The following CLEC17A variants were observed in gnomAD, a reference collection of about 807,000 sequenced individuals.
The protein encoded by CLEC17A is C-type lectin domain family 17, member A.
In CLEC17A, 37 loss-of-function variants were observed where a neutral mutation model predicts 61.3. The observed-to-expected ratio is 0.60, with a 90% CI of 0.46 to 0.79. The LOEUF (loss-of-function observed/expected upper bound fraction) is 0.79, where lower values mean the gene tolerates loss of function less well. Ranked by LOEUF, CLEC17A falls within the 30% of genes least tolerant of loss-of-function variation. The pLI, the probability that CLEC17A is intolerant of heterozygous loss-of-function variation, is 0.00. For missense variants in CLEC17A, 418 were observed against 464.7 expected, an observed-to-expected ratio of 0.90 and a Z score of 0.92; for synonymous variants, 168 against 164.9, an observed-to-expected ratio of 1.02 and a Z score of -0.14.
At chr19:14,607,425 G>C (rs375362530) in intron 13 of CLEC17A, among the ~76,000 whole-genome samples, 63 of 151,726 alleles carry the variant, frequency 4.2e-4, no homozygotes, top group Middle Eastern at 3.4e-3. Context: ...GGATGGTCTT[G>C]ATCTCCTGAC....
Position 14,599,721 on chromosome 19 carries a change from T to C in CLEC17A, c.651T>C (p.Thr217=). 6.2e-7 allele frequency: 1 copy of C among 1,613,306 alleles called. No homozygotes were observed. Reference sequence around the variant, plus strand: ...CAAGCCCATCCCTTCTGACAGTGACTGGCATGGCAGGGCTAGCTGGCCTGA... The same window carrying C: ...CAAGCCCATCCCTTCTGACAGTGACCGGCATGGCAGGGCTAGCTGGCCTGA... ...FQQMTWRTNM[T]GMAGLAGLKH... The change falls in exon 11 of 14, where the codon ACT becomes ACC. Residue 217 remains threonine (T), a synonymous_variant. Transcript: ENST00000417570.
chr19:14,594,435 A>G, intron 4 of CLEC17A, 82 bp from the exon 5 acceptor site: 4 of 1,518,944 alleles, frequency 2.6e-6, no homozygotes, highest in Non-Finnish European at 3.6e-6. Flanking sequence ...CCTCCACTGC[A>G]ATCCTAACCC....
chr19:14,598,291 G>A (rs2074600929), intron 10 of CLEC17A, among the ~76,000 whole-genome samples: 1 of 144,888 alleles, frequency 6.9e-6, no homozygotes, highest in Admixed American at 6.8e-5. Flanking sequence ...TCTTTCGTTT[G>A]TTTGTTCTTT....
At chr19:14,594,822 T>A in intron 7 of CLEC17A, 22 bp downstream of exon 7, 3 of 1,606,416 alleles carry the variant, frequency 1.9e-6, no homozygotes, top group Non-Finnish European at 2.6e-6. Context: ...GAAGACCCTT[T>A]AAGATGCCTA....
chr19:14,608,878 C>A (rs1475943084), intron 13 of CLEC17A, among the ~76,000 whole-genome samples: 2 of 151,056 alleles, frequency 1.3e-5, no homozygotes, highest in Admixed American at 6.6e-5. Flanking sequence ...TGGCTCACTG[C>A]AACTTCTGCC....
intron 2 of CLEC17A, 121 bp downstream of exon 2, chr19:14,583,555 T>G (rs982578751): frequency 6.5e-7 from 1 of 1,533,594 alleles, no homozygotes; most frequent in African/African-American, 1.4e-5. Flanking sequence ...TGCCGGGCAC[T>G]GTGGAACCCA....
intron 12 of CLEC17A, among the ~76,000 whole-genome samples, chr19:14,606,374 CAAA>C (rs35346403): frequency 1.7e-4 from 16 of 94,688 alleles, no homozygotes; most frequent in Admixed American, 5.6e-4. Context: ...GACCCTGTCT[CAAA>C]AAAAAAAAAA....
chr19:14,606,605 A>G (rs2074878578), intron 12 of CLEC17A, among the ~76,000 whole-genome samples: 1 of 150,752 alleles, frequency 6.6e-6, no homozygotes, highest in Non-Finnish European at 1.5e-5. Flanking sequence ...GCTTGAACCC[A>G]GGAGGTGGAA....
intron 12 of CLEC17A, among the ~76,000 whole-genome samples, chr19:14,605,978 G>A (rs1224169935): frequency 1.3e-5 from 2 of 152,038 alleles, no homozygotes; most frequent in Non-Finnish European, 2.9e-5. Flanking sequence ...AGTCTCAAGC[G>A]ATCCTCCCTC....
chr19:14,583,106 G>A lies in CLEC17A; in HGVS notation c.-55G>A. On this transcript the variant is annotated 5_prime_UTR_variant, in exon 1 of 14. Transcript: ENST00000417570. ...CCCAGACGCCTGAGTCGGAGAGACA[G>A]GGGGCAGAGGTTGCCAAGCCCTGGC... 10 of 1,600,938 alleles carry A rather than the reference G, an allele frequency of 6.2e-6. No individual in the cohort carries two copies. The highest frequency in any genetic ancestry group is 8.6e-6 in the Non-Finnish European group (10 of 1,168,902).
At chr19:14,594,257 A>C (rs967831419) in intron 4 of CLEC17A, among the ~76,000 whole-genome samples, 1 of 152,132 alleles carries the variant, frequency 6.6e-6, no homozygotes, top group African/African-American at 2.4e-5. Context: ...AGTCTGAGCA[A>C]CAGAGCAAGA....
chr19:14,585,778 C>G lies in CLEC17A; in HGVS notation c.122-1836C>G, dbSNP rs547924757. ...TTGACTACAATCACGCAAGAGATCT[C>G]AAGCTAGAACTACCCAGCTAAGCTG... On this transcript the variant is annotated intron_variant, in intron 2 of 13. Transcript: ENST00000417570. Among the ~76,000 whole-genome samples, 129 of 147,302 alleles carry G rather than the reference C, an allele frequency of 8.8e-4. 1 individual carries two copies. Among genetic ancestry groups the G allele is most frequent in the African/African-American group, 2.9e-3 (116 of 39,546 alleles).
At chr19:14,595,118 C>T (rs574067181) in intron 7 of CLEC17A, among the ~76,000 whole-genome samples, 156 bp from the exon 8 acceptor site, 4 of 152,318 alleles carry the variant, frequency 2.6e-5, no homozygotes, top group African/African-American at 7.2e-5. Flanking sequence ...GTGATCCACC[C>T]GCCTCAGCCT....
intron 10 of CLEC17A, among the ~76,000 whole-genome samples, chr19:14,598,674 C>T (rs552429753): frequency 5.7e-4 from 86 of 152,154 alleles, no homozygotes; most frequent in Non-Finnish European, 1.0e-3. Flanking sequence ...GGGGTTTCAC[C>T]CTGTTGGCCA....
chr19:14,583,849 T>C (rs934896151), intron 2 of CLEC17A, among the ~76,000 whole-genome samples: 20 of 152,144 alleles, frequency 1.3e-4, no homozygotes, highest in African/African-American at 4.8e-4. Flanking sequence ...CTCACCTTTC[T>C]ACCCAAAGCC....
chr19:14,595,985 GA>G (rs1555746009), intron 8 of CLEC17A, among the ~76,000 whole-genome samples: 1 of 234 alleles, frequency 4.3e-3, no homozygotes. Flanking sequence ...GTTGTTGGTA[GA>G]GATGATGGTG....
In CLEC17A at chr19:14,611,446, T is replaced by C. The variant is rs2075037830; in HGVS notation, c.*1250T>C. Among the ~76,000 whole-genome samples the C allele has an allele frequency of 1.4e-5, 2 of 139,076 alleles. No homozygotes were observed. The highest frequency in any genetic ancestry group is 1.6e-4 in the Admixed American group (2 of 12,802). The allele number at this position is 139,076 out of a possible 152,430, so 91.2% of individuals were successfully genotyped here. On this transcript the variant is annotated 3_prime_UTR_variant, in exon 14 of 14. Transcript: ENST00000417570. The stretch of plus-strand genomic sequence containing the variant: ...AGGCTGGAGTGCAGTGGCACAATCA[T>C]AGCTTACTGCACCCTCTGCCTCCTG...
upstream of CLEC17A, among the ~76,000 whole-genome samples, chr19:14,582,265 T>G (rs1348552656): frequency 6.7e-6 from 1 of 149,970 alleles, no homozygotes; most frequent in Non-Finnish European, 1.5e-5. Flanking sequence ...CAGGCTGGAG[T>G]GCAGTGGTGC....
Position 14,610,339 on chromosome 19 carries a change from T to G in CLEC17A, c.*143T>G. On this transcript the variant is annotated 3_prime_UTR_variant, in exon 14 of 14. Transcript: ENST00000417570. ...GGATTGGCACCCTGGATGCAGCAAG[T>G]TCCCAGGGGTGCAAGTCAGGCTGTT... 2 of 1,154,256 alleles carry G rather than the reference T, an allele frequency of 1.7e-6. No individual in the cohort carries two copies. The highest frequency in any genetic ancestry group is 2.4e-6 in the Non-Finnish European group (2 of 828,520). 71.5% of individuals were successfully genotyped at this position (1,154,256 alleles called of 1,614,324 possible).
Sources: gnomAD v4.1 joint callset for allele counts (sites outside exome capture counted in the v4.1 genomes callset) on GRCh38, gnomAD v4.1.1 for gene constraint, MANE v1.5 for transcripts, NCBI Gene and HGNC (gene_info 2026-07-23, HGNC 2026-07-21) for gene names.